Variants in RGS7BP observed in about 807,000 individuals in gnomAD.
The protein encoded by RGS7BP is regulator of G protein signaling 7-binding protein.
In RGS7BP, 9 loss-of-function variants were observed where a neutral mutation model predicts 31.3. The observed-to-expected ratio is 0.29, with a 90% CI of 0.17 to 0.50. RGS7BP has a LOEUF of 0.50. Ranked by LOEUF, RGS7BP falls within the 20% of genes least tolerant of loss-of-function variation. The probability of loss-of-function intolerance (pLI) is 0.98; values close to 1 mark genes in which losing one functional copy is unlikely to be tolerated. For synonymous variants in RGS7BP, 115 were observed against 120.1 expected, an observed-to-expected ratio of 0.96 and a Z score of 0.28; for missense variants, 274 against 322.0, an observed-to-expected ratio of 0.85 and a Z score of 1.14.
At chr5:64,575,148 T>C (rs1157578844) in intron 2 of RGS7BP, among the ~76,000 whole-genome samples, 7 of 152,156 alleles carry the variant, frequency 4.6e-5, no homozygotes. Flanking sequence ...AGAGCATAAG[T>C]TCAGTGTTTA....
chr5:64,542,014 G>A (rs1277322798), intron 2 of RGS7BP, among the ~76,000 whole-genome samples: 12 of 151,744 alleles, frequency 7.9e-5, no homozygotes, highest in Non-Finnish European at 2.9e-5. Context: ...GTACGAATCC[G>A]TGTATTTCTA....
chr5:64,553,572 T>C (rs1339809954), intron 2 of RGS7BP, among the ~76,000 whole-genome samples: 3 of 151,950 alleles, frequency 2.0e-5, no homozygotes, highest in Non-Finnish European at 4.4e-5. Context: ...GATAGCATGC[T>C]TGCACCCAAT....
chr5:64,569,314 T>C (rs948050948), intron 2 of RGS7BP, among the ~76,000 whole-genome samples: 1 of 152,062 alleles, frequency 6.6e-6, no homozygotes, highest in Non-Finnish European at 1.5e-5. Flanking sequence ...CAACACACGT[T>C]TCCACCTAAA....
At chr5:64,589,408 G>A (rs1051372225) in intron 3 of RGS7BP, among the ~76,000 whole-genome samples, 1 of 152,022 alleles carries the variant, frequency 6.6e-6, no homozygotes, top group Admixed American at 6.6e-5. Flanking sequence ...TCATGAATAA[G>A]ACAAACTGAC....
chr5:64,587,876 T>C (rs1322616500), intron 3 of RGS7BP, among the ~76,000 whole-genome samples: 1 of 152,140 alleles, frequency 6.6e-6, no homozygotes, highest in Non-Finnish European at 1.5e-5. Flanking sequence ...CCAGCCCTTT[T>C]TGACACACCC....
At chr5:64,585,536 T>C (rs1486793184) in intron 3 of RGS7BP, among the ~76,000 whole-genome samples, 1 of 151,886 alleles carries the variant, frequency 6.6e-6, no homozygotes, top group Non-Finnish European at 1.5e-5. Flanking sequence ...AGAGTGGGTG[T>C]GATAAAGGAC....
chr5:64,604,608 C>G (rs1312615695), intron 5 of RGS7BP, among the ~76,000 whole-genome samples: 1 of 152,108 alleles, frequency 6.6e-6, no homozygotes, highest in Non-Finnish European at 1.5e-5. Context: ...CACCCCAGAG[C>G]TACTGACTGA....
intron 2 of RGS7BP, among the ~76,000 whole-genome samples, chr5:64,516,367 TC>T (rs1748975925): frequency 6.6e-6 from 1 of 152,114 alleles, no homozygotes; most frequent in Admixed American, 6.5e-5. Context: ...GTCTATTGTG[TC>T]CCTTCTTTTT....
intron 5 of RGS7BP, 143 bp downstream of exon 5, chr5:64,598,578 C>A: frequency 2.9e-6 from 2 of 681,820 alleles, no homozygotes; most frequent in Middle Eastern, 2.5e-4. Context: ...AAGAAGATAT[C>A]AAAATGAGAC....
intron 2 of RGS7BP, among the ~76,000 whole-genome samples, chr5:64,570,372 G>A (rs905351913): frequency 7.2e-5 from 11 of 151,972 alleles, no homozygotes; most frequent in Non-Finnish European, 5.9e-5. Flanking sequence ...ACTGAGTCTC[G>A]GAGAAGTTAG....
intron 2 of RGS7BP, among the ~76,000 whole-genome samples, chr5:64,532,516 A>G (rs1749397431): frequency 6.6e-6 from 1 of 152,224 alleles, no homozygotes; most frequent in South Asian, 2.1e-4. Context: ...AGTTGAATGT[A>G]GGAGCACCTA....
intron 2 of RGS7BP, among the ~76,000 whole-genome samples, chr5:64,515,674 A>T (rs982717184): frequency 1.3e-5 from 2 of 151,582 alleles, no homozygotes; most frequent in African/African-American, 4.9e-5. Context: ...AAAAGGTAAA[A>T]CTTCATGAAA....
At chr5:64,597,373 G>A (rs1316681434) in intron 4 of RGS7BP, among the ~76,000 whole-genome samples, 2 of 151,862 alleles carry the variant, frequency 1.3e-5, no homozygotes, top group East Asian at 2.0e-4. Flanking sequence ...GTGGGAGGAC[G>A]GTCCATGCTA....
At chr5:64,571,593 CTTTTTTACAG>C (rs1742302058) in intron 2 of RGS7BP, among the ~76,000 whole-genome samples, 1 of 152,026 alleles carries the variant, frequency 6.6e-6, no homozygotes, top group Non-Finnish European at 1.5e-5. Context: ...CATTATGAGT[CTTTTTTACAG>C]TTAGCCATTC....
At chr5:64,517,952 T>A (rs976854668) in intron 2 of RGS7BP, among the ~76,000 whole-genome samples, 3 of 151,882 alleles carry the variant, frequency 2.0e-5, no homozygotes, top group Non-Finnish European at 4.4e-5. Flanking sequence ...AAAGAAAAAA[T>A]TTCATCAAGG....
At chr5:64,587,906 AAGG>A in intron 3 of RGS7BP, among the ~76,000 whole-genome samples, 1 of 152,292 alleles carries the variant, frequency 6.6e-6, no homozygotes, top group East Asian at 1.9e-4. Context: ...TCATCATCAG[AAGG>A]AGGACACTGT....
chr5:64,529,542 T>C (rs965841497), intron 2 of RGS7BP, among the ~76,000 whole-genome samples: 1 of 152,178 alleles, frequency 6.6e-6, no homozygotes, highest in African/African-American at 2.4e-5. Context: ...TGATGCCCAT[T>C]GGAATCGCCT....
chr5:64,506,891 C>A lies in RGS7BP; in HGVS notation c.165+102C>A, dbSNP rs1580378670. The A allele has an allele frequency of 3.7e-6, 4 of 1,095,596 alleles. No individual in the cohort carries two copies. In the East Asian group the frequency reaches 9.9e-5, roughly 27 times the overall value. 67.9% of individuals were successfully genotyped at this position (1,095,596 alleles called of 1,614,324 possible). ...GCCTGAGTGCCAGCCACTCCCCCACCCTCAGCTCCTCAATGCCGATCACGT... is the reference window on the plus strand; with the variant it reads ...GCCTGAGTGCCAGCCACTCCCCCACACTCAGCTCCTCAATGCCGATCACGT... On this transcript the variant is annotated intron_variant, in intron 1 of 5. Coordinates refer to ENST00000334025, the MANE Select transcript of RGS7BP (RefSeq NM_001029875.3). The surrounding 1 kb of genome is among the most constrained non-coding windows in gnomAD (Gnocchi z 4.6).
intron 2 of RGS7BP, among the ~76,000 whole-genome samples, chr5:64,555,445 A>G (rs529772912): frequency 6.6e-6 from 1 of 152,306 alleles, no homozygotes; most frequent in South Asian, 2.1e-4. Context: ...AAGTTTTTTT[A>G]ACCTTCAAAC....
Sources: allele counts gnomAD v4.1 joint callset (sites outside exome capture counted in the v4.1 genomes callset), GRCh38; gene constraint gnomAD v4.1.1; non-coding constraint Gnocchi (gnomAD v3.1); transcripts MANE v1.5; gene names NCBI Gene and HGNC (gene_info 2026-07-23, HGNC 2026-07-21).